CTNND2: variants seen among roughly 807,000 people sequenced by gnomAD.
CTNND2 encodes catenin delta 2.
CTNND2 carries 22 observed loss-of-function variants against 144.4 expected under a neutral mutation model. That is an observed-to-expected ratio of 0.15 (90% CI 0.11 to 0.22). The LOEUF (loss-of-function observed/expected upper bound fraction) is 0.22. Among genes scored for constraint, CTNND2 ranks in the 10% least tolerant of loss-of-function variants. The pLI is 1.00. For missense variants in CTNND2, 1,353 were observed against 1,618.8 expected (o/e 0.84, Z 2.82); for synonymous variants, 751 against 695.6 (o/e 1.08, Z -1.25).
chr5:10,976,768 G>A (rs575001695), intron 21 of CTNND2, among the ~76,000 whole-genome samples: 2 of 152,326 alleles, frequency 1.3e-5, no homozygotes, highest in East Asian at 3.9e-4. Flanking sequence ...AATTTGCCAG[G>A]AAACTGGATT....
chr5:11,261,273 C>T (rs1744832676), intron 9 of CTNND2, among the ~76,000 whole-genome samples: 1 of 152,152 alleles, frequency 6.6e-6, no homozygotes, highest in Non-Finnish European at 1.5e-5. Flanking sequence ...CGGTCTAGGC[C>T]AGATCTCTTG....
intron 10 of CTNND2, among the ~76,000 whole-genome samples, chr5:11,210,533 G>A (rs1580597304): frequency 6.6e-6 from 1 of 152,126 alleles, no homozygotes; most frequent in African/African-American, 2.4e-5. Flanking sequence ...TACTTTTTAG[G>A]TGAATGGTTA....
chr5:11,193,940 G>A (rs1225512495), intron 11 of CTNND2, among the ~76,000 whole-genome samples: 1 of 152,184 alleles, frequency 6.6e-6, no homozygotes, highest in Non-Finnish European at 1.5e-5. Context: ...GATAATATCT[G>A]TAAACATATT....
At chr5:11,888,211 C>T (rs1736695623) in intron 1 of CTNND2, among the ~76,000 whole-genome samples, 1 of 152,140 alleles carries the variant, frequency 6.6e-6, no homozygotes, top group Non-Finnish European at 1.5e-5. Context: ...ATATTGTAAA[C>T]ATTAGAACAT....
At chr5:11,599,478 A>G (rs2126318730) in intron 2 of CTNND2, among the ~76,000 whole-genome samples, 1 of 152,290 alleles carries the variant, frequency 6.6e-6, no homozygotes, top group South Asian at 2.1e-4. Flanking sequence ...GTTTTGAAAA[A>G]GTAACTCCTT....
intron 3 of CTNND2, among the ~76,000 whole-genome samples, chr5:11,500,037 A>G (rs1435455293): frequency 6.6e-6 from 1 of 152,136 alleles, no homozygotes; most frequent in Non-Finnish European, 1.5e-5. Flanking sequence ...GGCCTGTAAG[A>G]ATCCCCTTAT....
chr5:11,419,822 G>A (rs1488496994), intron 3 of CTNND2, among the ~76,000 whole-genome samples: 3 of 152,120 alleles, frequency 2.0e-5, no homozygotes, highest in Non-Finnish European at 2.9e-5. Flanking sequence ...TTATGAACCT[G>A]CTCAAATATA....
intron 1 of CTNND2, among the ~76,000 whole-genome samples, chr5:11,744,530 T>C (rs1278091628): frequency 2.6e-5 from 4 of 151,886 alleles, no homozygotes; most frequent in South Asian, 2.1e-4. Flanking sequence ...TCAGAATAAA[T>C]GTATATAGGG....
At chr5:11,037,652 G>A (rs1407888849) in intron 16 of CTNND2, among the ~76,000 whole-genome samples, 2 of 152,136 alleles carry the variant, frequency 1.3e-5, no homozygotes, top group East Asian at 3.9e-4. Context: ...GATTTGAATC[G>A]GGCATGTTAT....
At chr5:11,803,061 C>T (rs1791782444) in intron 1 of CTNND2, among the ~76,000 whole-genome samples, 1 of 152,150 alleles carries the variant, frequency 6.6e-6, no homozygotes, top group Non-Finnish European at 1.5e-5. Context: ...GTGACTGACG[C>T]CTGTAATGCC....
intron 3 of CTNND2, among the ~76,000 whole-genome samples, chr5:11,530,937 T>G (rs32432): frequency 6.6e-6 from 1 of 152,170 alleles, no homozygotes; most frequent in African/African-American, 2.4e-5. Flanking sequence ...AAAGCAGCAC[T>G]CTGTTTACAC....
At chr5:11,271,234 C>T (rs976112382) in intron 9 of CTNND2, among the ~76,000 whole-genome samples, 12 of 152,082 alleles carry the variant, frequency 7.9e-5, no homozygotes, top group East Asian at 1.9e-4. Flanking sequence ...GACCAATAAA[C>T]GTATTTTACC....
intron 1 of CTNND2, among the ~76,000 whole-genome samples, chr5:11,743,731 T>C (rs986352454): frequency 3.3e-5 from 5 of 152,060 alleles, no homozygotes; most frequent in Non-Finnish European, 1.5e-5. Context: ...GAAGATGTGA[T>C]GGCTGGAGGG....
chr5:11,124,390 T>G (rs1209142921), intron 12 of CTNND2, among the ~76,000 whole-genome samples: 1 of 152,204 alleles, frequency 6.6e-6, no homozygotes, highest in East Asian at 1.9e-4. Flanking sequence ...TATCATAAAT[T>G]ACCTGATCTG....
At chr5:11,037,789 C>T (rs1744248924) in intron 16 of CTNND2, among the ~76,000 whole-genome samples, 1 of 152,026 alleles carries the variant, frequency 6.6e-6, no homozygotes, top group Admixed American at 6.6e-5. Flanking sequence ...TTTTTAAAAT[C>T]CTTTAAAAAT....
chr5:11,207,750 T>TTTGAAC lies in CTNND2; in HGVS notation c.1762-8095_1762-8090dup, dbSNP rs1456002621. ...GCTTCACAGCTAACTGAGCAGACTA[T>TTTGAAC]TTGAACTTGAACTTGACTCTGAGAA... is the stretch of plus-strand genomic sequence containing the variant. On this transcript the variant is annotated intron_variant, in intron 10 of 21. Transcript: ENST00000304623. 5.3e-5 allele frequency among the ~76,000 whole-genome samples: 8 copies of TTTGAAC among 152,332 alleles called. 1 individual carries two copies. The highest frequency in any genetic ancestry group is 6.8e-3 in the Middle Eastern group (2 of 294).
Position 10,986,871 on chromosome 5 carries a change from G to A in CTNND2, c.3343+1240C>T, listed in dbSNP as rs986963818. On this transcript the variant is annotated intron_variant, in intron 20 of 21. Coordinates refer to ENST00000304623, the MANE Select transcript of CTNND2 (RefSeq NM_001332.4). The stretch of plus-strand genomic sequence containing the variant: ...AGAAAAATTTATCTTCGCTGTCCTG[G>A]TTTGGAAGGCATTTTAATAAATCAT... 4 of 341,110 alleles carry A rather than the reference G, an allele frequency of 1.2e-5. No individual in the cohort carries two copies. The Admixed American group carries it at 1.6e-4, about 14-fold the overall frequency. 21.1% of individuals were successfully genotyped at this position (341,110 alleles called of 1,614,324 possible).
intron 21 of CTNND2, among the ~76,000 whole-genome samples, chr5:10,975,297 G>A (rs186144059): frequency 1.5e-3 from 229 of 152,198 alleles, no homozygotes; most frequent in Non-Finnish European, 1.7e-3. Flanking sequence ...AATTATACAG[G>A]GAGGGAACTA....
intron 10 of CTNND2, among the ~76,000 whole-genome samples, chr5:11,208,487 G>A (rs556598601): frequency 6.6e-6 from 1 of 152,122 alleles, no homozygotes; most frequent in Admixed American, 6.5e-5. Flanking sequence ...ATAACAATGG[G>A]AGAGAAGAAA....
Sources: gnomAD v4.1 joint callset for allele counts (sites outside exome capture counted in the v4.1 genomes callset) on GRCh38, gnomAD v4.1.1 for gene constraint, MANE v1.5 for transcripts, NCBI Gene and HGNC (gene_info 2026-07-23, HGNC 2026-07-21) for gene names.